FARP1: variants seen among roughly 807,000 people sequenced by gnomAD.
FARP1 encodes FERM, ARH/RhoGEF and pleckstrin domain protein 1.
A neutral mutation model predicts 128.8 loss-of-function variants in FARP1; 52 were observed. The observed-to-expected ratio is 0.40, with a 90% CI of 0.32 to 0.51. The LOEUF (loss-of-function observed/expected upper bound fraction) is 0.51, where lower values mean the gene tolerates loss of function less well. Among genes scored for constraint, FARP1 ranks in the 20% least tolerant of loss-of-function variants. The pLI is 0.45. For synonymous variants in FARP1, 580 were observed against 551.8 expected (o/e 1.05, Z -0.72); for missense variants, 1,333 against 1,367.9 (o/e 0.97, Z 0.40).
intron 2 of FARP1, among the ~76,000 whole-genome samples, chr13:98,272,733 G>T (rs978826574): frequency 6.6e-6 from 1 of 152,166 alleles, no homozygotes; most frequent in African/African-American, 2.4e-5. Context: ...TGGTTGCCAT[G>T]GTTGCTACCC....
intron 6 of FARP1, among the ~76,000 whole-genome samples, chr13:98,378,399 G>A (rs1395426806): frequency 6.6e-6 from 1 of 152,170 alleles, no homozygotes; most frequent in Admixed American, 6.5e-5. Flanking sequence ...ATTTTAATTT[G>A]CCTTAATATA....
chr13:98,244,701 CT>C, intron 2 of FARP1: 1 of 1,613,296 alleles, frequency 6.2e-7, no homozygotes, highest in Non-Finnish European at 8.5e-7. Flanking sequence ...GCTTCTTAAT[CT>C]TTTTTGAGTC....
chr13:98,272,278 C>T (rs988783736), intron 2 of FARP1, among the ~76,000 whole-genome samples: 4 of 152,176 alleles, frequency 2.6e-5, no homozygotes, highest in Admixed American at 2.0e-4. Flanking sequence ...GATCCGCCCA[C>T]CTCACCCTCC....
chr13:98,349,009 T>C (rs533647510), intron 3 of FARP1, among the ~76,000 whole-genome samples: 1 of 152,360 alleles, frequency 6.6e-6, no homozygotes, highest in South Asian at 2.1e-4. Flanking sequence ...CTGCCTGTCC[T>C]TGGATCTCCC....
At chr13:98,172,328 C>T (rs769034441) in intron 1 of FARP1, among the ~76,000 whole-genome samples, 1 of 151,022 alleles carries the variant, frequency 6.6e-6, no homozygotes, top group Non-Finnish European at 1.5e-5. Flanking sequence ...GAAAATAGGG[C>T]GTCATGGGGG....
At position 98,435,690 on chromosome 13, in the gene FARP1, T is replaced by C. The variant is rs376912711; in HGVS notation, c.2258T>C (p.Leu753Pro). 17 of 1,614,016 alleles carry C rather than the reference T, an allele frequency of 1.1e-5. No homozygotes were observed. The African/African-American group carries it at 1.6e-4, about 15-fold the overall frequency. Residue 753 changes from leucine to proline, a missense_variant, in exon 19 of 27, where the codon CTT (leucine) becomes CCT (proline). Physicochemically the swap from Leu to Pro is moderately conservative, Grantham distance 98. Transcript: ENST00000319562. ...LKKDLIGIDNLVVPGREFIRL... is the reference protein window; with the variant it reads ...LKKDLIGIDNPVVPGREFIRL... ...AAAGATTTGATTGGCATTGACAATC[T>C]TGTGGTTCCGGGAAGGGTAAGCAGC...
At chr13:98,239,786 G>A (rs939357142) in intron 2 of FARP1, among the ~76,000 whole-genome samples, 9 of 152,080 alleles carry the variant, frequency 5.9e-5, no homozygotes, top group Admixed American at 1.3e-4. Flanking sequence ...GACTTCTGGG[G>A]AGCAGGTGAC....
chr13:98,316,521 C>T (rs1886728246), intron 2 of FARP1, among the ~76,000 whole-genome samples: 2 of 152,296 alleles, frequency 1.3e-5, no homozygotes, highest in South Asian at 2.1e-4. Context: ...CCGGAGCCCC[C>T]TCCCCATCCA....
intron 2 of FARP1, among the ~76,000 whole-genome samples, chr13:98,237,052 C>G (rs1029333336): frequency 6.6e-6 from 1 of 151,444 alleles, no homozygotes; most frequent in African/African-American, 2.4e-5. Context: ...TGTCTGTAAT[C>G]CCAGCATTTT....
intron 5 of FARP1, among the ~76,000 whole-genome samples, chr13:98,369,487 G>A (rs1194482405): frequency 2.0e-5 from 3 of 151,366 alleles, no homozygotes. Context: ...TTAGCATTAG[G>A]TATATCTCCT....
intron 2 of FARP1, among the ~76,000 whole-genome samples, chr13:98,224,845 C>T (rs1881666503): frequency 1.3e-5 from 2 of 152,284 alleles, no homozygotes; most frequent in Non-Finnish European, 2.9e-5. Flanking sequence ...TCCACCCCTG[C>T]CTCGCTAACC....
Position 98,439,944 on chromosome 13 carries a change from T to C in FARP1, c.2434-17T>C. The C allele has an allele frequency of 6.5e-7, 1 of 1,532,944 alleles. No homozygotes were observed. The highest frequency in any genetic ancestry group is 8.8e-7 in the Non-Finnish European group (1 of 1,132,254). The allele number at this position is 1,532,944 out of a possible 1,614,324, so 95.0% of individuals were successfully genotyped here. ...CATCACGTGCCTCATGGTGACGTTA[T>C]CTTCTCTTGCCCACAGATTGAGGAG... is the stretch of plus-strand genomic sequence containing the variant. On this transcript the variant is annotated splice_polypyrimidine_tract_variant and intron_variant, in intron 21 of 26. Transcript: ENST00000319562.
intron 5 of FARP1, among the ~76,000 whole-genome samples, chr13:98,368,550 G>A (rs1889194550): frequency 6.6e-6 from 1 of 152,186 alleles, no homozygotes. Context: ...CCGCTGCCAT[G>A]GGTGGTAGAT....
intron 1 of FARP1, chr13:98,177,274 C>A (rs1246739968): frequency 6.7e-7 from 1 of 1,494,934 alleles, no homozygotes; most frequent in Non-Finnish European, 9.0e-7. Context: ...TGGCGTGCGT[C>A]ACCCTTGCGT....
At chr13:98,253,260 T>C (rs1883431738) in intron 2 of FARP1, among the ~76,000 whole-genome samples, 1 of 152,232 alleles carries the variant, frequency 6.6e-6, no homozygotes, top group African/African-American at 2.4e-5. Context: ...AGTTTAGCCT[T>C]TTATTTCTCT....
chr13:98,366,541 G>A (rs1192990272), intron 4 of FARP1, among the ~76,000 whole-genome samples: 1 of 152,218 alleles, frequency 6.6e-6, no homozygotes, highest in Non-Finnish European at 1.5e-5. Flanking sequence ...CAGTGGCAAG[G>A]TATATCTTTG....
intron 16 of FARP1, among the ~76,000 whole-genome samples, 155 bp downstream of exon 16, chr13:98,412,189 C>T (rs528014361): frequency 1.3e-5 from 2 of 152,326 alleles, no homozygotes; most frequent in South Asian, 4.1e-4. Flanking sequence ...CAGTTAAATC[C>T]TACATGCGTT....
rs1472243286 is a variant in FARP1 at position 98,454,363 on chromosome 13, T to C, written c.*6046T>C. The C allele has an allele frequency of 6.6e-6, 1 of 152,146 alleles. No homozygotes were observed. The highest frequency in any genetic ancestry group is 2.4e-5 in the African/African-American group (1 of 41,426). The allele number at this position is 152,146 out of a possible 1,614,324, so 9.4% of individuals were successfully genotyped here. On this transcript the variant is annotated 3_prime_UTR_variant, in exon 27 of 27. Transcript: ENST00000319562. ...CAACCATTTTACAACAGACTCCAAA[T>C]CACAGGTCCAGGAGAGATGGCTGAG... is the stretch of plus-strand genomic sequence containing the variant.
chr13:98,338,276 A>G (rs1887824241), intron 2 of FARP1, among the ~76,000 whole-genome samples: 1 of 152,290 alleles, frequency 6.6e-6, no homozygotes, highest in African/African-American at 2.4e-5. Flanking sequence ...CTTACCTTGC[A>G]AAACTGAAGC....
Sources: allele counts gnomAD v4.1 joint callset (sites outside exome capture counted in the v4.1 genomes callset), GRCh38; gene constraint gnomAD v4.1.1; transcripts MANE v1.5; gene names NCBI Gene and HGNC (gene_info 2026-07-23, HGNC 2026-07-21).